The following PM20D2 variants were observed in gnomAD, a reference collection of about 807,000 sequenced individuals.
PM20D2 encodes the protein xaa-Arg dipeptidase.
Under a neutral mutation model 42.9 loss-of-function variants are expected in PM20D2, and 33 were observed. The ratio of observed to expected loss-of-function variants is 0.77; its 90% CI spans 0.58 to 1.03. The LOEUF (loss-of-function observed/expected upper bound fraction) is 1.03, where lower values mean the gene tolerates loss of function less well. Among genes scored for constraint, PM20D2 ranks in the 50% least tolerant of loss-of-function variants. The pLI is 0.00. For synonymous variants in PM20D2, 250 were observed against 228.2 expected, an observed-to-expected ratio of 1.10 and a Z score of -0.86; for missense variants, 548 against 557.0, an observed-to-expected ratio of 0.98 and a Z score of 0.16.
chr6:89,148,495 A>C, intron 1 of PM20D2: 1 of 953,902 alleles, frequency 1.0e-6, no homozygotes, highest in East Asian at 1.2e-4. Flanking sequence ...TAAAATGTTT[A>C]TTCTGTAAAG....
At position 89,154,808 on chromosome 6, in the gene PM20D2, A is replaced by G. The variant is rs762629246; in HGVS notation, c.818A>G (p.Tyr273Cys). The G allele has an allele frequency of 5.0e-6, 8 of 1,604,472 alleles. No homozygotes were observed. The highest frequency in any genetic ancestry group is 2.7e-5 in the African/African-American group (2 of 74,432). The change falls in exon 4 of 7, where the codon TAT becomes TGT. Residue 273 changes from tyrosine to cysteine, a missense_variant. By Grantham distance (194) the Tyr-to-Cys change is radical. Transcript: ENST00000275072. ...NIIPSYSELI[Y>C]YFRAPSMKEL... ...ATTCCCTCTTATTCTGAATTAATCT[A>G]TTACTTCCGTGCACCCTCAATGAAA...
chr6:89,124,088 T>C, the PM20D2 span, among the ~76,000 whole-genome samples: 20 of 152,206 alleles, frequency 1.3e-4, no homozygotes, highest in East Asian at 1.7e-3. Context: ...CGATTACTTT[T>C]GTCTGCGCAG....
At chr6:89,105,298 T>C in the PM20D2 span, 1 of 1,584,988 alleles carries the variant, frequency 6.3e-7, no homozygotes, top group Non-Finnish European at 8.6e-7. Context: ...CATAATTCGT[T>C]ACCTGAACAC....
intron 1 of PM20D2, among the ~76,000 whole-genome samples, chr6:89,148,034 G>A (rs1024432356): frequency 7.0e-6 from 1 of 143,462 alleles, no homozygotes; most frequent in Non-Finnish European, 1.5e-5. Flanking sequence ...CAGGCCGAGT[G>A]CAGTGGTCCT....
Position 89,146,540 on chromosome 6 carries a change from C to CG in PM20D2, c.400dup (p.Ala134GlyfsTer39), listed in dbSNP as rs904711307. On this transcript the variant is annotated frameshift_variant, in exon 1 of 7. Coordinates refer to ENST00000275072, the MANE Select transcript of PM20D2 (RefSeq NM_001010853.3). LOFTEE classifies it high-confidence loss of function. Reference sequence around the variant, plus strand: ...GCGGCCACAACCTCATCGCTGAGGTCGGGGCGGCGGCCGCGCTGGGCGTGA... The same window carrying CG: ...GCGGCCACAACCTCATCGCTGAGGTCGGGGGCGGCGGCCGCGCTGGGCGTGA... 4.0e-6 allele frequency: 6 copies of CG among 1,501,112 alleles called. No homozygotes were observed. In the African/African-American group the frequency reaches 7.3e-5, roughly 18 times the overall value. The allele number at this position is 1,501,112 out of a possible 1,614,324, so 93.0% of individuals were successfully genotyped here. A position where few individuals can be genotyped will look rare whatever the true frequency, so the allele number is the denominator to read the frequency against.
intron 5 of PM20D2, among the ~76,000 whole-genome samples, chr6:89,160,810 A>C (rs1445506382): frequency 6.6e-6 from 1 of 152,228 alleles, no homozygotes; most frequent in East Asian, 1.9e-4. Context: ...GGCTTTGCTG[A>C]GGAAATGATG....
At chr6:89,116,007 C>T in the PM20D2 span, among the ~76,000 whole-genome samples, 2 of 152,210 alleles carry the variant, frequency 1.3e-5, no homozygotes, top group Non-Finnish European at 2.9e-5. Context: ...ATCCAGATTT[C>T]TGATTTCTCT....
chr6:89,156,922 G>T (rs1771068387), intron 4 of PM20D2, among the ~76,000 whole-genome samples: 1 of 151,956 alleles, frequency 6.6e-6, no homozygotes, highest in Non-Finnish European at 1.5e-5. Context: ...ATAGCTGAGG[G>T]CAGTAAAAAC....
the PM20D2 span, chr6:89,117,923 G>A: frequency 1.9e-6 from 3 of 1,545,450 alleles, no homozygotes; most frequent in Non-Finnish European, 8.7e-7. Context: ...TCTGCCCGCG[G>A]CCGCTGGACT....
chr6:89,120,710 TAA>T, the PM20D2 span, among the ~76,000 whole-genome samples: 1 of 144,692 alleles, frequency 6.9e-6, no homozygotes, highest in African/African-American at 2.5e-5. Context: ...TACAGAAAAT[TAA>T]AAAAAAAAAA....
chr6:89,134,558 AC>A, the PM20D2 span, among the ~76,000 whole-genome samples: 2 of 151,094 alleles, frequency 1.3e-5, no homozygotes, highest in Non-Finnish European at 2.9e-5. Context: ...TATTCCTCAA[AC>A]CACTTGAAGA....
chr6:89,109,952 G>A, the PM20D2 span, among the ~76,000 whole-genome samples: 9 of 152,094 alleles, frequency 5.9e-5, no homozygotes, highest in Non-Finnish European at 1.2e-4. Context: ...TTAACTGGGC[G>A]TGGTGGCGGG....
the PM20D2 span, among the ~76,000 whole-genome samples, chr6:89,099,415 C>CACATATAT: frequency 7.1e-6 from 1 of 140,430 alleles, no homozygotes; most frequent in Non-Finnish European, 1.5e-5. Context: ...TATATATATA[C>CACATATAT]ATATATATAT....
rs758366957 is a variant in PM20D2, at chr6:89,153,080, G to A, written c.652G>A (p.Ala218Thr). The A allele has an allele frequency of 6.8e-6, 11 of 1,606,712 alleles. No individual in the cohort carries two copies. Among genetic ancestry groups the A allele is most frequent in the Non-Finnish European group, 3.4e-6 (4 of 1,175,092 alleles). Reference sequence around the variant, plus strand: ...ATACTATGGAAAAGCATCTCATTCTGCTTCTTATCCCTGGGAAGGATTAAA... The same window carrying A: ...ATACTATGGAAAAGCATCTCATTCTACTTCTTATCCCTGGGAAGGATTAAA... ...VKYYGKASHS[A>T]SYPWEGLNAL... Residue 218 changes from alanine to threonine, a missense_variant, in exon 3 of 7, where the codon GCT becomes ACT. Coordinates refer to ENST00000275072, the MANE Select transcript of PM20D2 (RefSeq NM_001010853.3).
chr6:89,160,156 A>G (rs1314096753), intron 5 of PM20D2, among the ~76,000 whole-genome samples: 1 of 152,006 alleles, frequency 6.6e-6, no homozygotes, highest in African/African-American at 2.4e-5. Context: ...CTGATGTCCC[A>G]TTACTGTGCA....
the PM20D2 span, chr6:89,107,099 T>G: frequency 3.5e-6 from 5 of 1,408,566 alleles, no homozygotes; most frequent in African/African-American, 1.4e-5. Context: ...AATACATATA[T>G]GTATAAGCAC....
the PM20D2 span, among the ~76,000 whole-genome samples, chr6:89,099,144 T>A: frequency 6.6e-6 from 1 of 152,052 alleles, no homozygotes; most frequent in Non-Finnish European, 1.5e-5. Flanking sequence ...TATACTAGAA[T>A]ATATGGCCAA....
upstream of PM20D2, among the ~76,000 whole-genome samples, chr6:89,144,985 G>A (rs548931872): frequency 7.2e-5 from 11 of 152,274 alleles, no homozygotes; most frequent in East Asian, 2.1e-3. Flanking sequence ...GATAGTCTTC[G>A]TGCATGTTAG....
the PM20D2 span, among the ~76,000 whole-genome samples, chr6:89,139,588 A>AACAG: frequency 6.6e-6 from 1 of 152,196 alleles, no homozygotes; most frequent in Non-Finnish European, 1.5e-5. Context: ...TTGGACCTGT[A>AACAG]GTTCCAGCTA....
Sources: allele counts gnomAD v4.1 joint callset (sites outside exome capture counted in the v4.1 genomes callset), GRCh38; gene constraint gnomAD v4.1.1; transcripts MANE v1.5; gene names NCBI Gene and HGNC (gene_info 2026-07-23, HGNC 2026-07-21).